The following NTSR1 variants were observed in gnomAD, a reference collection of about 807,000 sequenced individuals.
NTSR1 encodes the protein neurotensin receptor 1.
NTSR1 carries 29 observed loss-of-function variants against 31.2 expected under a neutral mutation model. That is an observed-to-expected ratio of 0.93 (90% CI 0.69 to 1.27). NTSR1 has a LOEUF of 1.27. NTSR1 is among the 50% of genes most tolerant of loss of function. The probability of loss-of-function intolerance (pLI) is 0.00; values close to 1 mark genes in which losing one functional copy is unlikely to be tolerated. For synonymous variants in NTSR1, 282 were observed against 269.9 expected, an observed-to-expected ratio of 1.04 and a Z score of -0.44; for missense variants, 697 against 595.4, an observed-to-expected ratio of 1.17 and a Z score of -1.78.
intron 1 of NTSR1, among the ~76,000 whole-genome samples, chr20:62,726,008 C>G (rs893670951): frequency 6.6e-6 from 1 of 152,206 alleles, no homozygotes; most frequent in African/African-American, 2.4e-5. Flanking sequence ...CTGCCCTGTC[C>G]CTGCCCTGGG....
rs375625531 is a variant in NTSR1 at position 62,725,247 on chromosome 20, C to T, written c.714+15326C>T. On this transcript the variant is annotated intron_variant, in intron 1 of 3. Transcript: ENST00000370501. ...CAGCCCCCAGCCCCAGCTCAATTGC[C>T]TAGAACAGTCCCAAGACCAGCATCA... Among the ~76,000 whole-genome samples the T allele has an allele frequency of 1.5e-3, 226 of 152,318 alleles. 1 individual carries two copies. The highest frequency in any genetic ancestry group is 5.0e-3 in the African/African-American group (208 of 41,578).
intron 1 of NTSR1, chr20:62,735,171 A>C (rs943432422): frequency 2.0e-5 from 3 of 152,882 alleles, no homozygotes; most frequent in African/African-American, 7.2e-5. Context: ...CCGCCAGCTC[A>C]GTGCCAAAAC....
rs535340467 is a variant in NTSR1, at chr20:62,748,862, C to A, written c.715-5823C>A. 5.9e-5 allele frequency among the ~76,000 whole-genome samples: 9 copies of A among 152,280 alleles called. No individual in the cohort carries two copies. The South Asian group carries it at 1.5e-3, about 25-fold the overall frequency. Reference sequence around the variant, plus strand: ...ATAAGAAGAGAAAGAGAGACCTGAGCTAGCATGCTCTGCCCCCTCTGCACG... The same window carrying A: ...ATAAGAAGAGAAAGAGAGACCTGAGATAGCATGCTCTGCCCCCTCTGCACG... On this transcript the variant is annotated intron_variant, in intron 1 of 3. Transcript: ENST00000370501.
At chr20:62,731,734 T>G (rs932221349) in intron 1 of NTSR1, among the ~76,000 whole-genome samples, 2 of 152,228 alleles carry the variant, frequency 1.3e-5, no homozygotes, top group Admixed American at 1.3e-4. Context: ...TTTGCTTCTT[T>G]CTCAAAGATC....
chr20:62,719,518 C>A (rs1292590324), intron 1 of NTSR1, among the ~76,000 whole-genome samples: 1 of 152,206 alleles, frequency 6.6e-6, no homozygotes, highest in Non-Finnish European at 1.5e-5. Flanking sequence ...CATCTCCACC[C>A]TCCCTCTCCA....
intron 1 of NTSR1, among the ~76,000 whole-genome samples, chr20:62,739,246 G>A (rs1229682370): frequency 6.6e-6 from 1 of 152,180 alleles, no homozygotes; most frequent in Admixed American, 6.5e-5. Flanking sequence ...GGCCCTCTTG[G>A]TTCACCAAGT....
chr20:62,760,619 A>C lies in NTSR1; in HGVS notation c.*352A>C. ...CTAATGGATGGTTCCAGAGAAGGAA[A>C]TGAAAGGTGCTGGGTGGGGCCGGGC... On this transcript the variant is annotated 3_prime_UTR_variant, in exon 4 of 4. Coordinates refer to ENST00000370501, the MANE Select transcript of NTSR1 (RefSeq NM_002531.3). 9.2e-6 allele frequency: 2 copies of C among 216,804 alleles called. No homozygotes were observed. The highest frequency in any genetic ancestry group is 5.1e-5 in the Admixed American group (1 of 19,458). The allele number at this position is 216,804 out of a possible 1,614,324, so 13.4% of individuals were successfully genotyped here.
intron 1 of NTSR1, among the ~76,000 whole-genome samples, chr20:62,725,846 A>G (rs1468447429): frequency 6.6e-6 from 1 of 151,628 alleles, no homozygotes. Flanking sequence ...AGGGGGAGGG[A>G]GGAGGAGGGA....
At position 62,741,924 on chromosome 20, in the gene NTSR1, T is replaced by A. The variant is rs188797553; in HGVS notation, c.715-12761T>A. Among the ~76,000 whole-genome samples, 2,662 of 133,696 alleles carry A rather than the reference T, an allele frequency of 0.02. 208 individuals carry two copies. The highest frequency in any genetic ancestry group is 0.064 in the African/African-American group (1,694 of 26,598). The allele number at this position is 133,696 out of a possible 152,430, so 87.7% of individuals were successfully genotyped here. A position where few individuals can be genotyped will look rare whatever the true frequency, so the allele number is the denominator to read the frequency against. On this transcript the variant is annotated intron_variant, in intron 1 of 3. Transcript: ENST00000370501. This position sits in a 1 kb window ranked among gnomAD's most constrained non-coding sequence, Gnocchi z 4.3. ...CCTGGGTTCACAACTGTGCCTGGGT[T>A]TCTTTATCTACAAAAGGAGCCTGAC...
At chr20:62,749,236 T>C (rs1350027366) in intron 1 of NTSR1, among the ~76,000 whole-genome samples, 1 of 152,088 alleles carries the variant, frequency 6.6e-6, no homozygotes, top group Non-Finnish European at 1.5e-5. Context: ...GGTCAGGAGA[T>C]CGAGACCATC....
Position 62,711,155 on chromosome 20 carries a change from G to C in NTSR1, c.714+1234G>C, listed in dbSNP as rs8123640. On this transcript the variant is annotated intron_variant, in intron 1 of 3. Coordinates refer to ENST00000370501, the MANE Select transcript of NTSR1 (RefSeq NM_002531.3). This position sits in a 1 kb window ranked among gnomAD's most constrained non-coding sequence, Gnocchi z 6.4. ...CACCCAGGTGGGCTGGGGGGTGGAG[G>C]AGGGTAGAACTGAGCTCCCAGTCTC... Among the ~76,000 whole-genome samples the C allele has an allele frequency of 4.3e-3, 662 of 152,236 alleles. 3 individuals carry two copies. Among genetic ancestry groups the C allele is most frequent in the African/African-American group, 0.015 (612 of 41,556 alleles).
At chr20:62,731,565 A>G (rs1384831363) in intron 1 of NTSR1, among the ~76,000 whole-genome samples, 1 of 152,138 alleles carries the variant, frequency 6.6e-6, no homozygotes, top group Non-Finnish European at 1.5e-5. Flanking sequence ...AAAATGTGTT[A>G]TTATCTATAA....
chr20:62,727,359 C>T (rs938432592), intron 1 of NTSR1, among the ~76,000 whole-genome samples: 3 of 152,334 alleles, frequency 2.0e-5, no homozygotes, highest in African/African-American at 4.8e-5. Flanking sequence ...CAGCAAGTCC[C>T]AGCCCAGAGT....
In NTSR1 at chr20:62,744,760, C is replaced by A. The variant is rs1349592218; in HGVS notation, c.715-9925C>A. 6.6e-6 allele frequency among the ~76,000 whole-genome samples: 1 copy of A among 152,014 alleles called. No homozygotes were observed. The highest frequency in any genetic ancestry group is 2.4e-5 in the African/African-American group (1 of 41,374). ...AAAAAGAGAGAAATGAGCCTGAGGCCCAGGAGGACCTGCCGAGCTCACAGC... is the reference window on the plus strand; with the variant it reads ...AAAAAGAGAGAAATGAGCCTGAGGCACAGGAGGACCTGCCGAGCTCACAGC... On this transcript the variant is annotated intron_variant, in intron 1 of 3. Coordinates refer to ENST00000370501, the MANE Select transcript of NTSR1 (RefSeq NM_002531.3). This position sits in a 1 kb window ranked among gnomAD's most constrained non-coding sequence, Gnocchi z 4.1.
intron 1 of NTSR1, among the ~76,000 whole-genome samples, chr20:62,735,825 T>C (rs954881142): frequency 2.6e-5 from 4 of 152,162 alleles, no homozygotes; most frequent in African/African-American, 9.7e-5. Context: ...CCTGTGGGGC[T>C]GTGCAGGGGG....
Position 62,709,901 on chromosome 20 carries a change from A to G in NTSR1, c.694A>G (p.Thr232Ala), listed in dbSNP as rs1301358592. Reference sequence around the variant, plus strand: ...GTGCACCCCCACCATCCACACTGCCACCGTCAAGGTCGTCATACAGGTGAG... The same window carrying G: ...GTGCACCCCCACCATCCACACTGCCGCCGTCAAGGTCGTCATACAGGTGAG... The part of the protein sequence containing the change: ...LVCTPTIHTA[T>A]VKVVIQVNTF... The change falls in exon 1 of 4, where the codon ACC (threonine) becomes GCC (alanine). Residue 232 changes from threonine (T) to alanine (A), a missense_variant. Transcript: ENST00000370501. 4 of 1,596,470 alleles carry G rather than the reference A, an allele frequency of 2.5e-6. No homozygotes were observed. In the East Asian group the frequency reaches 6.7e-5, roughly 27 times the overall value.
chr20:62,711,839 C>T lies in NTSR1; in HGVS notation c.714+1918C>T, dbSNP rs904926217. Among the ~76,000 whole-genome samples, 2 of 152,178 alleles carry T rather than the reference C, an allele frequency of 1.3e-5. No individual in the cohort carries two copies. Among genetic ancestry groups the T allele is most frequent in the Admixed American group, 1.3e-4 (2 of 15,282 alleles). On this transcript the variant is annotated intron_variant, in intron 1 of 3. Coordinates refer to ENST00000370501, the MANE Select transcript of NTSR1 (RefSeq NM_002531.3). The surrounding 1 kb of genome is among the most constrained non-coding windows in gnomAD (Gnocchi z 6.4). ...GCCCAGCCTTGTTGCTCAGAGGCTG[C>T]GAGGCAGATTTGGCCAAGTCACGCT...
chr20:62,718,225 C>G (rs1040806271), intron 1 of NTSR1, among the ~76,000 whole-genome samples: 1 of 152,068 alleles, frequency 6.6e-6, no homozygotes, highest in African/African-American at 2.4e-5. Context: ...AGAGCCGCCA[C>G]GTGACTTACA....
chr20:62,749,625 T>C (rs776089854), intron 1 of NTSR1, among the ~76,000 whole-genome samples: 36 of 151,996 alleles, frequency 2.4e-4, no homozygotes, highest in Non-Finnish European at 5.0e-4. Context: ...CATTTAAAAA[T>C]GGAAAAGGGG....
Sources: allele counts gnomAD v4.1 joint callset (sites outside exome capture counted in the v4.1 genomes callset), GRCh38; gene constraint gnomAD v4.1.1; non-coding constraint Gnocchi (gnomAD v3.1); transcripts MANE v1.5; gene names NCBI Gene and HGNC (gene_info 2026-07-23, HGNC 2026-07-21).